Variants in CSN2 observed in about 807,000 individuals in gnomAD.
CSN2 encodes the protein casein beta.
In CSN2, 27 loss-of-function variants were observed where a neutral mutation model predicts 27.3. The observed-to-expected ratio is 0.99, with a 90% CI of 0.73 to 1.36. The LOEUF (loss-of-function observed/expected upper bound fraction) is 1.36, where lower values mean the gene tolerates loss of function less well. CSN2 is among the 40% of genes most tolerant of loss of function. The probability of loss-of-function intolerance (pLI) is 0.00; values close to 1 mark genes in which losing one functional copy is unlikely to be tolerated. For synonymous variants in CSN2, 131 were observed against 94.8 expected, an observed-to-expected ratio of 1.38 and a Z score of -2.22; for missense variants, 333 against 264.5, an observed-to-expected ratio of 1.26 and a Z score of -1.80.
chr4:69,961,121 A>T, intron 1 of CSN2, 114 bp from the exon 2 acceptor site: 2 of 604,974 alleles, frequency 3.3e-6, no homozygotes, highest in Non-Finnish European at 5.9e-6. Flanking sequence ...ATATATAACA[A>T]AAATATCTGC....
At chr4:69,962,903 AC>A (rs1259261887) in intron 1 of CSN2, among the ~76,000 whole-genome samples, 1 of 152,100 alleles carries the variant, frequency 6.6e-6, no homozygotes, top group Non-Finnish European at 1.5e-5. Context: ...AAAACAAACA[AC>A]CCCATCAAAA....
rs1253192736 is a variant in CSN2, at chr4:69,960,163, T to TA, written c.52-85dup. Reference sequence around the variant, plus strand: ...TATTTTATGGTTCATAAATTTTCTCTAAAAAAATAATCTCACCTCAGAGGA... The same window carrying TA: ...TATTTTATGGTTCATAAATTTTCTCTAAAAAAAATAATCTCACCTCAGAGGA... On this transcript the variant is annotated intron_variant, in intron 2 of 7. Coordinates refer to ENST00000353151, the MANE Select transcript of CSN2 (RefSeq NM_001891.4). 4.7e-6 allele frequency: 6 copies of TA among 1,284,698 alleles called. No individual in the cohort carries two copies. The South Asian group carries it at 7.4e-5, about 16-fold the overall frequency. The allele number at this position is 1,284,698 out of a possible 1,614,324, so 79.6% of individuals were successfully genotyped here. A position where few individuals can be genotyped will look rare whatever the true frequency, so the allele number is the denominator to read the frequency against.
At chr4:69,960,837 A>G (rs1382648202) in intron 2 of CSN2, 108 bp downstream of exon 2, 11 of 854,758 alleles carry the variant, frequency 1.3e-5, no homozygotes, top group Admixed American at 4.4e-5. Flanking sequence ...TTCTCATGAA[A>G]TTCTTCATTA....
chr4:69,956,215 T>A, intron 7 of CSN2, 99 bp downstream of exon 7: 1 of 811,580 alleles, frequency 1.2e-6, no homozygotes, highest in Non-Finnish European at 1.7e-6. Context: ...CTTGTATGTA[T>A]GAAATTTTCA....
At chr4:69,956,583 G>T (rs1216988772) in intron 6 of CSN2, among the ~76,000 whole-genome samples, 1 of 152,114 alleles carries the variant, frequency 6.6e-6, no homozygotes, top group Non-Finnish European at 1.5e-5. Flanking sequence ...AGTGAAATAA[G>T]CATCTCAGTC....
At chr4:69,956,021 T>C (rs1203726017) in intron 7 of CSN2, among the ~76,000 whole-genome samples, 3 of 152,096 alleles carry the variant, frequency 2.0e-5, no homozygotes, top group African/African-American at 7.2e-5. Context: ...AAAATAAGTA[T>C]ATATTCTGTC....
intron 6 of CSN2, 63 bp from the exon 7 acceptor site, chr4:69,956,418 T>A (rs1469058751): frequency 3.2e-6 from 4 of 1,240,904 alleles, no homozygotes; most frequent in African/African-American, 1.6e-5. Context: ...GCCTTAAGAA[T>A]GTTGTAAGTA....
At chr4:69,956,627 G>A (rs1189488166) in intron 6 of CSN2, among the ~76,000 whole-genome samples, 1 of 152,156 alleles carries the variant, frequency 6.6e-6, no homozygotes, top group African/African-American at 2.4e-5. Context: ...GCAAAAACAA[G>A]ATGTGAAGTA....
chr4:69,963,474 A>G (rs1723676430), intron 1 of CSN2, among the ~76,000 whole-genome samples: 1 of 152,116 alleles, frequency 6.6e-6, no homozygotes, highest in Non-Finnish European at 1.5e-5. Flanking sequence ...TTCTCAGCAA[A>G]CTATCGCAAG....
At chr4:69,962,098 G>A (rs1224074752) in intron 1 of CSN2, among the ~76,000 whole-genome samples, 2 of 152,044 alleles carry the variant, frequency 1.3e-5, no homozygotes, top group African/African-American at 4.8e-5. Flanking sequence ...ACAAACAAAT[G>A]GAAGAACATT....
chr4:69,957,926 C>T (rs1487872275), intron 5 of CSN2, 122 bp from the exon 6 acceptor site: 5 of 966,550 alleles, frequency 5.2e-6, no homozygotes, highest in African/African-American at 1.7e-5. Context: ...AAATATTTCA[C>T]TTATTTTGGT....
intron 1 of CSN2, among the ~76,000 whole-genome samples, chr4:69,962,387 A>G (rs1234436386): frequency 2.0e-5 from 3 of 152,230 alleles, no homozygotes; most frequent in Admixed American, 6.5e-5. Context: ...CAAAACTGAT[A>G]CCAAGACCAA....
intron 1 of CSN2, among the ~76,000 whole-genome samples, chr4:69,962,361 G>T (rs1440494272): frequency 2.0e-5 from 3 of 152,148 alleles, no homozygotes; most frequent in Non-Finnish European, 4.4e-5. Flanking sequence ...AACCAAAACA[G>T]CATGGTACTT....
chr4:69,965,193 G>C (rs1723754881), intron 1 of CSN2, among the ~76,000 whole-genome samples: 1 of 151,026 alleles, frequency 6.6e-6, no homozygotes, highest in Admixed American at 6.6e-5. Context: ...AACATTTAAA[G>C]TAGTAAATGC....
intron 1 of CSN2, among the ~76,000 whole-genome samples, chr4:69,965,150 G>A (rs1345697288): frequency 4.0e-5 from 6 of 150,930 alleles, no homozygotes; most frequent in African/African-American, 1.5e-4. Flanking sequence ...AGACAAGTTT[G>A]ATGAGTAAAC....
At chr4:69,962,117 A>G (rs1464518932) in intron 1 of CSN2, among the ~76,000 whole-genome samples, 1 of 152,196 alleles carries the variant, frequency 6.6e-6, no homozygotes, top group Non-Finnish European at 1.5e-5. Flanking sequence ...TTCCATGCTC[A>G]TGGGTAGGAA....
At chr4:69,962,617 A>G (rs539406223) in intron 1 of CSN2, among the ~76,000 whole-genome samples, 156 of 152,346 alleles carry the variant, frequency 1.0e-3, no homozygotes, top group African/African-American at 3.7e-3. Flanking sequence ...TGTCAGACCT[A>G]AAACCATAAA....
intron 3 of CSN2, 146 bp downstream of exon 3, chr4:69,959,907 T>C (rs1723515668): frequency 3.3e-6 from 2 of 606,132 alleles, no homozygotes; most frequent in South Asian, 5.2e-5. Context: ...CAGATACTTA[T>C]TGTCCTTAAA....
At chr4:69,963,528 A>G (rs1343865504) in intron 1 of CSN2, among the ~76,000 whole-genome samples, 3 of 150,782 alleles carry the variant, frequency 2.0e-5, no homozygotes, top group African/African-American at 7.3e-5. Flanking sequence ...ATAGGTGGGA[A>G]TTGAACAATG....
Sources: gnomAD v4.1 joint callset for allele counts (sites outside exome capture counted in the v4.1 genomes callset) on GRCh38, gnomAD v4.1.1 for gene constraint, MANE v1.5 for transcripts, NCBI Gene and HGNC (gene_info 2026-07-23, HGNC 2026-07-21) for gene names.